Variants in SLC38A10 observed in about 807,000 individuals in gnomAD.
SLC38A10 encodes solute carrier family 38 member 10, also known as Sodium-coupled neutral amino acid transporter 10.
A neutral mutation model predicts 81.0 loss-of-function variants in SLC38A10; 53 were observed. The ratio of observed to expected loss-of-function variants is 0.65; its 90% CI spans 0.53 to 0.82. The LOEUF (loss-of-function observed/expected upper bound fraction) is 0.82, where lower values mean the gene tolerates loss of function less well. SLC38A10 is among the 40% of genes least tolerant of loss of function. The pLI is 0.00. For missense variants in SLC38A10, 1,471 were observed against 1,545.0 expected, an observed-to-expected ratio of 0.95 and a Z score of 0.80; for synonymous variants, 665 against 655.3, an observed-to-expected ratio of 1.01 and a Z score of -0.23.
At chr17:81,272,648 A>T in intron 8 of SLC38A10, 21 bp from the exon 9 acceptor site, 1 of 1,496,318 alleles carries the variant, frequency 6.7e-7, no homozygotes, top group Non-Finnish European at 9.0e-7. Flanking sequence ...GAAAAACAAA[A>T]GGTTTTGAAA....
rs770873300 is a variant in SLC38A10, at chr17:81,272,654, T to G, written c.913-27A>C. ...TGTACAAAAGAAAAACAAAAGGTTT[T>G]GAAATGACTGATTTCCTCCACCACT... On this transcript the variant is annotated intron_variant, in intron 8 of 15. Transcript: ENST00000374759. 19 of 1,465,656 alleles carry G rather than the reference T, an allele frequency of 1.3e-5. No individual in the cohort carries two copies. In the East Asian group the frequency reaches 4.8e-4, roughly 37 times the overall value. 90.8% of individuals were successfully genotyped at this position (1,465,656 alleles called of 1,614,324 possible). A position where few individuals can be genotyped will look rare whatever the true frequency, so the allele number is the denominator to read the frequency against.
chr17:81,258,843 G>T (rs2062995606), intron 11 of SLC38A10, among the ~76,000 whole-genome samples: 1 of 152,194 alleles, frequency 6.6e-6, no homozygotes, highest in Non-Finnish European at 1.5e-5. Context: ...AGCTCCACCG[G>T]CTGCTTCGGA....
intron 2 of SLC38A10, among the ~76,000 whole-genome samples, chr17:81,287,379 G>C (rs2063276404): frequency 6.6e-6 from 1 of 152,192 alleles, no homozygotes; most frequent in Non-Finnish European, 1.5e-5. Flanking sequence ...GCAGTGTGGA[G>C]CTGCTGTCCA....
Position 81,289,650 on chromosome 17 carries a change from C to G in SLC38A10, c.217+41G>C, listed in dbSNP as rs747119920. On this transcript the variant is annotated intron_variant, in intron 2 of 15. Coordinates refer to ENST00000374759, the MANE Select transcript of SLC38A10 (RefSeq NM_001037984.3). The surrounding 1 kb of genome is among the most constrained non-coding windows in gnomAD (Gnocchi z 5.9). ...AAATAAATAAATGGAATAAGGCCCC[C>G]GCCCCAGGTCCAGAGCCACCTTGTG... is the stretch of plus-strand genomic sequence containing the variant. The G allele has an allele frequency of 3.5e-6, 5 of 1,414,136 alleles. No individual in the cohort carries two copies. The African/African-American group carries it at 7.3e-5, about 21-fold the overall frequency. The allele number at this position is 1,414,136 out of a possible 1,614,324, so 87.6% of individuals were successfully genotyped here.
At chr17:81,272,057 A>C in intron 9 of SLC38A10, among the ~76,000 whole-genome samples, 1 of 148,204 alleles carries the variant, frequency 6.7e-6, no homozygotes, top group Non-Finnish European at 1.5e-5. Context: ...TTTGAGACGA[A>C]GTTTCTCTCT....
intron 8 of SLC38A10, among the ~76,000 whole-genome samples, chr17:81,275,157 C>G (rs2063149429): frequency 6.6e-6 from 1 of 152,200 alleles, no homozygotes; most frequent in African/African-American, 2.4e-5. Context: ...ATCCTCCCAC[C>G]TCGCCCTCCC....
intron 6 of SLC38A10, among the ~76,000 whole-genome samples, chr17:81,279,348 G>A (rs2063188402): frequency 6.6e-6 from 1 of 152,232 alleles, no homozygotes; most frequent in African/African-American, 2.4e-5. Flanking sequence ...CAATCACACA[G>A]GCAGGGGGCG....
At position 81,253,562 on chromosome 17, in the gene SLC38A10, CCAT is replaced by C. The variant is rs966772283; in HGVS notation, c.1289-325_1289-323del. On this transcript the variant is annotated intron_variant, in intron 11 of 15. Coordinates refer to ENST00000374759, the MANE Select transcript of SLC38A10 (RefSeq NM_001037984.3). This position sits in a 1 kb window ranked among gnomAD's most constrained non-coding sequence, Gnocchi z 4.1. ...ACAGTCCCCTCCATTACCATCACCT[CCAT>C]CATCACCGTCATCACCGTCACCTCC... Among the ~76,000 whole-genome samples the C allele has an allele frequency of 6.6e-5, 10 of 152,060 alleles. No individual in the cohort carries two copies. Among genetic ancestry groups the C allele is most frequent in the Non-Finnish European group, 1.2e-4 (8 of 68,004 alleles).
In SLC38A10 at chr17:81,280,593, A is replaced by G. The variant is rs368824295; in HGVS notation, c.626+16T>C. 1.7e-5 allele frequency: 27 copies of G among 1,613,058 alleles called. No individual in the cohort carries two copies. Among genetic ancestry groups the G allele is most frequent in the Middle Eastern group, 1.6e-4 (1 of 6,072 alleles). On this transcript the variant is annotated intron_variant, in intron 6 of 15. Transcript: ENST00000374759. ...CCGTCACAGAACTCCACCACAGACC[A>G]CAGCAGGACACTTACGACTGGCAGG...
Position 81,246,328 on chromosome 17 carries a change from G to C in SLC38A10, c.2588C>G (p.Pro863Arg). Residue 863 changes from proline (P) to arginine (R), a missense_variant, in exon 16 of 16, where the codon CCC (proline) becomes CGC (arginine). Coordinates refer to ENST00000374759, the MANE Select transcript of SLC38A10 (RefSeq NM_001037984.3). ...CTCTGGGCCCCCGGCTTCCCTGGCG[G>C]GGTCTGGCACGGGCACCTGCTCCGG... Reference protein sequence around the residue: ...KGPEQVPVPDPAREAGGPEER... With the variant: ...KGPEQVPVPDRAREAGGPEER... 1 of 1,609,236 alleles carries C rather than the reference G, an allele frequency of 6.2e-7. No individual in the cohort carries two copies.
Position 81,286,626 on chromosome 17 carries a change from C to T in SLC38A10, c.218-1731G>A, listed in dbSNP as rs2063269408. Among the ~76,000 whole-genome samples the T allele has an allele frequency of 6.6e-6, 1 of 152,168 alleles. No homozygotes were observed. The highest frequency in any genetic ancestry group is 2.4e-5 in the African/African-American group (1 of 41,430). Reference sequence around the variant, plus strand: ...CCAGCCCTCCCCCGAGTGTGGACTCCCAGTGCGGGCCCAGCCCCTGCCAGG... The same window carrying T: ...CCAGCCCTCCCCCGAGTGTGGACTCTCAGTGCGGGCCCAGCCCCTGCCAGG... On this transcript the variant is annotated intron_variant, in intron 2 of 15. Coordinates refer to ENST00000374759, the MANE Select transcript of SLC38A10 (RefSeq NM_001037984.3). This position sits in a 1 kb window ranked among gnomAD's most constrained non-coding sequence, Gnocchi z 6.0.
chr17:81,285,049 G>A, intron 2 of SLC38A10, 154 bp from the exon 3 acceptor site: 1 of 541,570 alleles, frequency 1.8e-6, no homozygotes, highest in African/African-American at 2.0e-5. Context: ...TGGCTGCCAG[G>A]TTATTTTTGG....
At chr17:81,290,042 C>A (rs977527360) in intron 1 of SLC38A10, among the ~76,000 whole-genome samples, 2 of 152,218 alleles carry the variant, frequency 1.3e-5, no homozygotes, top group Non-Finnish European at 2.9e-5. Context: ...CCATCTCCTT[C>A]CCAGTCCCCA....
rs1405443729 is a variant in SLC38A10 at position 81,286,502 on chromosome 17, C to T, written c.218-1607G>A. On this transcript the variant is annotated intron_variant, in intron 2 of 15. Transcript: ENST00000374759. This position sits in a 1 kb window ranked among gnomAD's most constrained non-coding sequence, Gnocchi z 6.0. Reference sequence around the variant, plus strand: ...AACTTCTCCTCCCCAGGTTCAAACACCAGCCCCAGTTGGACTGACCCCACT... The same window carrying T: ...AACTTCTCCTCCCCAGGTTCAAACATCAGCCCCAGTTGGACTGACCCCACT... 6.6e-6 allele frequency among the ~76,000 whole-genome samples: 1 copy of T among 152,220 alleles called. No homozygotes were observed. Among genetic ancestry groups the T allele is most frequent in the African/African-American group, 2.4e-5 (1 of 41,440 alleles).
At chr17:81,247,950 CTTTTTTTT>C (rs34228716) in intron 14 of SLC38A10, among the ~76,000 whole-genome samples, 3 of 73,076 alleles carry the variant, frequency 4.1e-5, no homozygotes, top group Admixed American at 1.9e-4. Context: ...CAAAAGCTGT[CTTTTTTTT>C]TTTTTTTTTT....
rs2063232683 is a variant in SLC38A10, at chr17:81,283,351, A to G, written c.357+58T>C. On this transcript the variant is annotated intron_variant, in intron 4 of 15. Coordinates refer to ENST00000374759, the MANE Select transcript of SLC38A10 (RefSeq NM_001037984.3). The surrounding 1 kb of genome is among the most constrained non-coding windows in gnomAD (Gnocchi z 4.7). Reference sequence around the variant, plus strand: ...CTCGGTCCTCGGGAGGATCCCACAGAGGGCCTCAGAGCAGCCGTCAGCATC... The same window carrying G: ...CTCGGTCCTCGGGAGGATCCCACAGGGGGCCTCAGAGCAGCCGTCAGCATC... 9 of 1,489,786 alleles carry G rather than the reference A, an allele frequency of 6.0e-6. No individual in the cohort carries two copies. The Admixed American group carries it at 1.4e-4, about 24-fold the overall frequency. The allele number at this position is 1,489,786 out of a possible 1,614,324, so 92.3% of individuals were successfully genotyped here.
chr17:81,246,378 G>A lies in SLC38A10; in HGVS notation c.2538C>T (p.Gly846=), dbSNP rs375323871. 2.1e-4 allele frequency: 329 copies of A among 1,601,286 alleles called. 1 individual carries two copies. In the Middle Eastern group the frequency reaches 5.7e-3, roughly 28 times the overall value. The change falls in exon 16 of 16, where the codon GGC becomes GGT. Residue 846 remains glycine, a synonymous_variant. Transcript: ENST00000374759. ...GQKDAAPRAA[G]TVKELPKGPE... is the part of the protein sequence containing the mutation. The stretch of plus-strand genomic sequence containing the variant: ...GGCCCTTGGGGAGCTCCTTCACAGT[G>A]CCAGCTGCCCTGGGGGCGGCATCCT...
At chr17:81,261,639 C>T (rs551018439) in intron 10 of SLC38A10, among the ~76,000 whole-genome samples, 10 of 152,362 alleles carry the variant, frequency 6.6e-5, no homozygotes, top group African/African-American at 9.6e-5. Context: ...GTGGAGAGCC[C>T]GCTTCCTCTA....
rs1386390932 is a variant in SLC38A10 at position 81,282,340 on chromosome 17, G to A, written c.358-8C>T. On this transcript the variant is annotated splice_polypyrimidine_tract_variant and splice_region_variant and intron_variant, in intron 4 of 15. Coordinates refer to ENST00000374759, the MANE Select transcript of SLC38A10 (RefSeq NM_001037984.3). ...GCGGAAGGTGCCGCCCACCTGCGGG[G>A]AGCCGGCAGGGGGTCTTGGCCACAG... 1.9e-6 allele frequency: 3 copies of A among 1,603,418 alleles called. No individual in the cohort carries two copies. The highest frequency in any genetic ancestry group is 2.6e-6 in the Non-Finnish European group (3 of 1,175,432).
Sources: allele counts gnomAD v4.1 joint callset (sites outside exome capture counted in the v4.1 genomes callset), GRCh38; gene constraint gnomAD v4.1.1; non-coding constraint Gnocchi (gnomAD v3.1); transcripts MANE v1.5; gene names NCBI Gene and HGNC (gene_info 2026-07-23, HGNC 2026-07-21).